ARHGAP35: variants seen among roughly 807,000 people sequenced by gnomAD.
ARHGAP35 encodes Rho GTPase activating protein 35.
ARHGAP35 carries 15 observed loss-of-function variants against 111.1 expected under a neutral mutation model. The observed-to-expected ratio is 0.13, with a 90% CI of 0.09 to 0.21. ARHGAP35 has a LOEUF of 0.21. ARHGAP35 is among the 10% of genes least tolerant of loss of function. The probability of loss-of-function intolerance (pLI) is 1.00; values close to 1 mark genes in which losing one functional copy is unlikely to be tolerated. For synonymous variants in ARHGAP35, 643 were observed against 710.3 expected, an observed-to-expected ratio of 0.91 and a Z score of 1.51; for missense variants, 1,262 against 1,873.0, an observed-to-expected ratio of 0.67 and a Z score of 6.02.
rs1367829824 is a variant in ARHGAP35, at chr19:46,920,027, C to T, written c.1352C>T (p.Pro451Leu). ...ETSPFITPGK[P>L]WEEARSFIMN... Reference sequence around the variant, plus strand: ...TCTCCTTTCATAACTCCCGGAAAGCCTTGGGAAGAGGCCCGTAGTTTTATT... The same window carrying T: ...TCTCCTTTCATAACTCCCGGAAAGCTTTGGGAAGAGGCCCGTAGTTTTATT... Residue 451 changes from proline to leucine, a missense_variant, in exon 2 of 7, where the codon CCT (proline) becomes CTT (leucine). Transcript: ENST00000672722. This position sits in a 1 kb window ranked among gnomAD's most constrained non-coding sequence, Gnocchi z 7.0. The T allele has an allele frequency of 6.2e-7, 1 of 1,613,876 alleles. No individual in the cohort carries two copies. Among genetic ancestry groups the T allele is most frequent in the Admixed American group, 1.7e-5 (1 of 60,004 alleles).
rs967520516 is a variant in ARHGAP35 at position 47,004,725 on chromosome 19, C to T, written c.*4037C>T. On this transcript the variant is annotated 3_prime_UTR_variant, in exon 7 of 7. Coordinates refer to ENST00000672722, the MANE Select transcript of ARHGAP35 (RefSeq NM_004491.5). ...TGGCTGTGTGCCCAAAATTCTGTTTCGCAGCAAAAGTGAAGACCTGTATGT... is the reference window on the plus strand; with the variant it reads ...TGGCTGTGTGCCCAAAATTCTGTTTTGCAGCAAAAGTGAAGACCTGTATGT... The T allele has an allele frequency of 2.0e-5, 3 of 152,554 alleles. No individual in the cohort carries two copies. The highest frequency in any genetic ancestry group is 3.8e-4 in the East Asian group (2 of 5,196). 9.5% of individuals were successfully genotyped at this position (152,554 alleles called of 1,614,324 possible).
intron 1 of ARHGAP35, among the ~76,000 whole-genome samples, chr19:46,915,929 C>CTT (rs869240851): frequency 1.7e-3 from 198 of 113,474 alleles, no homozygotes; most frequent in East Asian, 0.011. Flanking sequence ...AATCCAAACT[C>CTT]TTTTTTTTTT....
chr19:46,888,624 T>A (rs1019756196), intron 1 of ARHGAP35, among the ~76,000 whole-genome samples: 1 of 151,752 alleles, frequency 6.6e-6, no homozygotes, highest in Non-Finnish European at 1.5e-5. Context: ...TGCTTAGTTA[T>A]GTAGCATTAT....
chr19:46,993,445 A>G lies in ARHGAP35; in HGVS notation c.4036+3770A>G, dbSNP rs2056690066. Among the ~76,000 whole-genome samples the G allele has an allele frequency of 6.6e-6, 1 of 152,250 alleles. No individual in the cohort carries two copies. The highest frequency in any genetic ancestry group is 1.5e-5 in the Non-Finnish European group (1 of 68,038). On this transcript the variant is annotated intron_variant, in intron 5 of 6. Coordinates refer to ENST00000672722, the MANE Select transcript of ARHGAP35 (RefSeq NM_004491.5). This position sits in a 1 kb window ranked among gnomAD's most constrained non-coding sequence, Gnocchi z 4.6. ...GCAAGTGGCGCAGCACAGCCAGGGC[A>G]GGAGTGTTCTTTGGGAACAGGGTCT...
At chr19:46,983,715 G>A (rs573403436) in intron 3 of ARHGAP35, among the ~76,000 whole-genome samples, 12 of 141,636 alleles carry the variant, frequency 8.5e-5, no homozygotes, top group East Asian at 2.2e-4. Flanking sequence ...CCAGGTTCAC[G>A]CCATTCTCCT....
At position 46,994,445 on chromosome 19, in the gene ARHGAP35, G is replaced by A. The variant is rs2056695976; in HGVS notation, c.4036+4770G>A. Among the ~76,000 whole-genome samples the A allele has an allele frequency of 6.6e-6, 1 of 152,200 alleles. No individual in the cohort carries two copies. Among genetic ancestry groups the A allele is most frequent in the African/African-American group, 2.4e-5 (1 of 41,454 alleles). ...GGTGCACGGGCTGGGCTGGCTCTTG[G>A]CCACCAGCTTGTTCCCCAGGCCTCT... On this transcript the variant is annotated intron_variant, in intron 5 of 6. Coordinates refer to ENST00000672722, the MANE Select transcript of ARHGAP35 (RefSeq NM_004491.5). The surrounding 1 kb of genome is among the most constrained non-coding windows in gnomAD (Gnocchi z 5.4).
At chr19:46,877,526 T>G (rs989433038) in intron 1 of ARHGAP35, among the ~76,000 whole-genome samples, 16 of 151,948 alleles carry the variant, frequency 1.1e-4, no homozygotes, top group African/African-American at 3.9e-4. Context: ...ATCACACCAT[T>G]GCACTCCAGC....
At chr19:46,958,593 G>T (rs1048664145) in intron 3 of ARHGAP35, among the ~76,000 whole-genome samples, 4 of 152,192 alleles carry the variant, frequency 2.6e-5, no homozygotes, top group Non-Finnish European at 5.9e-5. Flanking sequence ...CCATCGGAGA[G>T]CTGCTCCAGG....
At chr19:46,915,550 A>C (rs941127758) in intron 1 of ARHGAP35, among the ~76,000 whole-genome samples, 2 of 152,180 alleles carry the variant, frequency 1.3e-5, no homozygotes, top group Non-Finnish European at 2.9e-5. Context: ...CAGTCAGAAT[A>C]ATGCGTGGTG....
intron 1 of ARHGAP35, among the ~76,000 whole-genome samples, chr19:46,883,197 C>T (rs965901305): frequency 6.6e-5 from 10 of 151,820 alleles, no homozygotes; most frequent in Admixed American, 2.0e-4. Context: ...GAGGTTCAAG[C>T]GATCCTCCTG....
chr19:46,937,105 G>T (rs373286067), intron 2 of ARHGAP35, among the ~76,000 whole-genome samples, 159 bp from the exon 3 acceptor site: 1 of 152,174 alleles, frequency 6.6e-6, no homozygotes, highest in South Asian at 2.1e-4. Flanking sequence ...CTCCCAAAGT[G>T]CTGGGAATAC....
intron 1 of ARHGAP35, among the ~76,000 whole-genome samples, chr19:46,890,454 C>T (rs1227013912): frequency 6.6e-6 from 1 of 152,228 alleles, no homozygotes; most frequent in Non-Finnish European, 1.5e-5. Context: ...TGACCAGATC[C>T]TGGCCCTTAG....
intron 3 of ARHGAP35, 126 bp from the exon 4 acceptor site, chr19:46,987,863 C>G (rs2056659423): frequency 5.1e-6 from 4 of 790,690 alleles, no homozygotes; most frequent in Non-Finnish European, 8.3e-6. Context: ...TGTGCTGAGG[C>G]CTGCTCCTCT....
At chr19:46,984,465 G>T (rs1436433642) in intron 3 of ARHGAP35, among the ~76,000 whole-genome samples, 2 of 152,152 alleles carry the variant, frequency 1.3e-5, no homozygotes, top group Non-Finnish European at 2.9e-5. Context: ...CCAGCGTCCT[G>T]TTTCTCACCT....
intron 2 of ARHGAP35, among the ~76,000 whole-genome samples, chr19:46,928,412 A>G (rs2056251125): frequency 6.6e-6 from 1 of 152,164 alleles, no homozygotes; most frequent in African/African-American, 2.4e-5. Flanking sequence ...AGGCCTTCCA[A>G]ATGGATTTTC....
chr19:46,874,017 GA>G (rs1309838713), intron 1 of ARHGAP35, among the ~76,000 whole-genome samples: 1 of 152,218 alleles, frequency 6.6e-6, no homozygotes, highest in Non-Finnish European at 1.5e-5. Context: ...CAAATGCTGG[GA>G]TTACAGGCGT....
At position 46,988,285 on chromosome 19, in the gene ARHGAP35, C is replaced by G. The variant is rs1291838487; in HGVS notation, c.3904+219C>G. ...AGCACCATCCCTGCCCAAGCTGGGT[C>G]ATGTAGGCCACTCCCCACACTGCCA... On this transcript the variant is annotated intron_variant, in intron 4 of 6. Coordinates refer to ENST00000672722, the MANE Select transcript of ARHGAP35 (RefSeq NM_004491.5). This position sits in a 1 kb window ranked among gnomAD's most constrained non-coding sequence, Gnocchi z 5.4. 3.8e-6 allele frequency: 2 copies of G among 532,272 alleles called. No individual in the cohort carries two copies. Among genetic ancestry groups the G allele is most frequent in the South Asian group, 4.0e-5 (2 of 49,608 alleles). 33.0% of individuals were successfully genotyped at this position (532,272 alleles called of 1,614,324 possible).
chr19:46,978,828 T>C (rs1339031153), intron 3 of ARHGAP35, among the ~76,000 whole-genome samples: 2 of 79,338 alleles, frequency 2.5e-5, no homozygotes, highest in African/African-American at 5.3e-5. Context: ...GGGGTTTGTG[T>C]GGTGGGGGAT....
At chr19:46,881,635 G>C (rs781202669) in intron 1 of ARHGAP35, among the ~76,000 whole-genome samples, 5 of 152,196 alleles carry the variant, frequency 3.3e-5, no homozygotes, top group Non-Finnish European at 7.3e-5. Flanking sequence ...ATAGAGCACA[G>C]GTAGAATACA....
Sources: allele counts gnomAD v4.1 joint callset (sites outside exome capture counted in the v4.1 genomes callset), GRCh38; gene constraint gnomAD v4.1.1; non-coding constraint Gnocchi (gnomAD v3.1); transcripts MANE v1.5; gene names NCBI Gene and HGNC (gene_info 2026-07-23, HGNC 2026-07-21).